OTUD7A: variants seen among roughly 807,000 people sequenced by gnomAD.
The protein encoded by OTUD7A is OTU domain-containing protein 7A.
Under a neutral mutation model 65.7 loss-of-function variants are expected in OTUD7A, and 12 were observed. The observed-to-expected ratio is 0.18, with a 90% CI of 0.12 to 0.30. OTUD7A has a LOEUF of 0.30. Ranked by LOEUF, OTUD7A falls within the 10% of genes least tolerant of loss-of-function variation. The pLI, the probability that OTUD7A is intolerant of heterozygous loss-of-function variation, is 1.00. For synonymous variants in OTUD7A, 641 were observed against 586.3 expected (o/e 1.09, Z -1.35); for missense variants, 1,148 against 1,304.8 (o/e 0.88, Z 1.85).
intron 5 of OTUD7A, among the ~76,000 whole-genome samples, chr15:31,547,579 A>G (rs1035590202): frequency 2.0e-5 from 3 of 152,252 alleles, no homozygotes; most frequent in Non-Finnish European, 4.4e-5. Flanking sequence ...TGACAATGCA[A>G]TAGTGACTTA....
At chr15:31,810,186 C>T (rs1378969850) in intron 1 of OTUD7A, among the ~76,000 whole-genome samples, 3 of 152,150 alleles carry the variant, frequency 2.0e-5, no homozygotes, top group African/African-American at 2.4e-5. Flanking sequence ...CATAGTTCTA[C>T]GGAGCTGGGT....
At chr15:31,785,379 T>C (rs1413379497) in intron 1 of OTUD7A, among the ~76,000 whole-genome samples, 1 of 152,242 alleles carries the variant, frequency 6.6e-6, no homozygotes, top group Non-Finnish European at 1.5e-5. Context: ...ACATGTCTCA[T>C]ATTTTTCTGT....
chr15:31,739,251 T>A (rs1240141069), intron 1 of OTUD7A, among the ~76,000 whole-genome samples: 1 of 152,144 alleles, frequency 6.6e-6, no homozygotes, highest in African/African-American at 2.4e-5. Context: ...CTTTCTATAA[T>A]GAATGCAATT....
chr15:31,496,519 G>A (rs1273726395), intron 10 of OTUD7A, among the ~76,000 whole-genome samples: 5 of 152,158 alleles, frequency 3.3e-5, no homozygotes, highest in Admixed American at 6.5e-5. Flanking sequence ...ACCGCGCCCC[G>A]CCGATAAATG....
intron 1 of OTUD7A, among the ~76,000 whole-genome samples, chr15:31,829,210 G>A (rs1232426168): frequency 2.0e-5 from 3 of 152,196 alleles, no homozygotes; most frequent in Non-Finnish European, 2.9e-5. Context: ...TGGAGGACAG[G>A]GGTGGCACTA....
intron 8 of OTUD7A, among the ~76,000 whole-genome samples, chr15:31,506,829 T>C (rs192594272): frequency 2.8e-4 from 42 of 152,298 alleles, no homozygotes; most frequent in Middle Eastern, 3.4e-3. Context: ...TTTTAGGAAA[T>C]AGCAGAGAGA....
chr15:31,736,322 C>T lies in OTUD7A; in HGVS notation c.-99-79245G>A, dbSNP rs563437705. Among the ~76,000 whole-genome samples, 8 of 152,306 alleles carry T rather than the reference C, an allele frequency of 5.3e-5. 1 individual carries two copies. In the South Asian group the frequency reaches 1.7e-3, roughly 32 times the overall value. ...ACCCCCCCAAAAAAAAGATTAGCCACAGCTTGATAATTACAGAAGCTGGGT... is the reference window on the plus strand; with the variant it reads ...ACCCCCCCAAAAAAAAGATTAGCCATAGCTTGATAATTACAGAAGCTGGGT... On this transcript the variant is annotated intron_variant, in intron 1 of 12. Coordinates refer to ENST00000307050, the MANE Select transcript of OTUD7A (RefSeq NM_001382637.1).
intron 8 of OTUD7A, among the ~76,000 whole-genome samples, chr15:31,517,577 T>A (rs1397806871): frequency 6.6e-6 from 1 of 152,228 alleles, no homozygotes; most frequent in Non-Finnish European, 1.5e-5. Flanking sequence ...TCCTCCAAGA[T>A]GTGCATGTCC....
chr15:31,601,347 C>T (rs1296454481), intron 3 of OTUD7A, among the ~76,000 whole-genome samples: 1 of 152,176 alleles, frequency 6.6e-6, no homozygotes, highest in East Asian at 1.9e-4. Flanking sequence ...GAACAACCTG[C>T]TCCTGAATGA....
At chr15:31,740,350 C>A (rs556153050) in intron 1 of OTUD7A, among the ~76,000 whole-genome samples, 9 of 151,958 alleles carry the variant, frequency 5.9e-5, no homozygotes, top group Admixed American at 5.9e-4. Flanking sequence ...GGAGTCGCTG[C>A]AGGCTTTGGA....
chr15:31,757,412 T>C (rs1003006419), intron 1 of OTUD7A, among the ~76,000 whole-genome samples: 2 of 151,556 alleles, frequency 1.3e-5, no homozygotes, highest in African/African-American at 4.8e-5. Flanking sequence ...AAGGACTTGC[T>C]AGAGGTTAGA....
At chr15:31,728,750 T>G (rs1228421933) in intron 1 of OTUD7A, among the ~76,000 whole-genome samples, 1 of 152,234 alleles carries the variant, frequency 6.6e-6, no homozygotes, top group African/African-American at 2.4e-5. Flanking sequence ...CGAACCCACT[T>G]TTTTCCTTTA....
chr15:31,592,380 T>TAA (rs34449587), intron 3 of OTUD7A, among the ~76,000 whole-genome samples: 3 of 150,910 alleles, frequency 2.0e-5, no homozygotes, highest in South Asian at 2.1e-4. Context: ...AATCTTTTTT[T>TAA]AAAAAAAAAA....
intron 3 of OTUD7A, 39 bp from the exon 4 acceptor site, chr15:31,570,236 C>G (rs760348368): frequency 1.3e-6 from 2 of 1,598,490 alleles, no homozygotes; most frequent in Non-Finnish European, 1.7e-6. Context: ...AATACGAACG[C>G]ATGAATAACG....
chr15:31,604,968 G>A (rs1371788943), intron 3 of OTUD7A, among the ~76,000 whole-genome samples: 1 of 152,206 alleles, frequency 6.6e-6, no homozygotes, highest in South Asian at 2.1e-4. Flanking sequence ...GAGGCACGAC[G>A]AGCAGAGCAG....
chr15:31,563,019 C>T (rs528633313), intron 4 of OTUD7A, among the ~76,000 whole-genome samples: 2 of 149,654 alleles, frequency 1.3e-5, no homozygotes, highest in Non-Finnish European at 1.5e-5. Context: ...TATGATTGCT[C>T]GCAAGGCTCA....
intron 3 of OTUD7A, among the ~76,000 whole-genome samples, chr15:31,613,451 G>GA (rs956770142): frequency 6.6e-6 from 1 of 151,756 alleles, no homozygotes; most frequent in African/African-American, 2.4e-5. Context: ...AAATCAGCAA[G>GA]AAAAAAACAA....
At chr15:31,757,078 G>C (rs1360608528) in intron 1 of OTUD7A, among the ~76,000 whole-genome samples, 3 of 152,042 alleles carry the variant, frequency 2.0e-5, no homozygotes, top group African/African-American at 7.2e-5. Flanking sequence ...TTTAACCTCT[G>C]TCCCTGTCCA....
At chr15:31,566,971 G>A (rs1429470562) in intron 4 of OTUD7A, among the ~76,000 whole-genome samples, 1 of 152,128 alleles carries the variant, frequency 6.6e-6, no homozygotes, top group Admixed American at 6.5e-5. Flanking sequence ...AAATTACCCA[G>A]CCTCAGATAT....
Sources: gnomAD v4.1 joint callset for allele counts (sites outside exome capture counted in the v4.1 genomes callset) on GRCh38, gnomAD v4.1.1 for gene constraint, MANE v1.5 for transcripts, NCBI Gene and HGNC (gene_info 2026-07-23, HGNC 2026-07-21) for gene names.